The following GRM1 variants were observed in gnomAD, a reference collection of about 807,000 sequenced individuals.
GRM1 encodes metabotropic glutamate receptor 1.
GRM1 carries 33 observed loss-of-function variants against 90.9 expected under a neutral mutation model. The ratio of observed to expected loss-of-function variants is 0.36; its 90% confidence interval spans 0.28 to 0.49. GRM1 has a LOEUF of 0.49. Among genes scored for constraint, GRM1 ranks in the 20% least tolerant of loss-of-function variants. The pLI is 0.99. For synonymous variants in GRM1, 700 were observed against 613.2 expected, an observed-to-expected ratio of 1.14 and a Z score of -2.09; for missense variants, 1,190 against 1,534.3, an observed-to-expected ratio of 0.78 and a Z score of 3.75.
At chr6:146,209,226 T>C (rs1779597655) in intron 2 of GRM1, among the ~76,000 whole-genome samples, 1 of 152,088 alleles carries the variant, frequency 6.6e-6, no homozygotes, top group South Asian at 2.1e-4. Flanking sequence ...GTAACAGATA[T>C]TTTTATTTTT....
At chr6:146,080,229 T>C (rs2128862860) in intron 1 of GRM1, among the ~76,000 whole-genome samples, 1 of 152,304 alleles carries the variant, frequency 6.6e-6, no homozygotes, top group African/African-American at 2.4e-5. Context: ...ACCTACCATG[T>C]TAGAATTGTG....
At chr6:146,053,323 C>A (rs928889444) in intron 1 of GRM1, among the ~76,000 whole-genome samples, 3 of 151,908 alleles carry the variant, frequency 2.0e-5, no homozygotes, top group African/African-American at 7.3e-5. Flanking sequence ...TGATTTTGTG[C>A]TATGCTTGGT....
intron 3 of GRM1, among the ~76,000 whole-genome samples, chr6:146,323,831 C>T (rs1424908277): frequency 1.3e-5 from 2 of 152,166 alleles, no homozygotes; most frequent in African/African-American, 2.4e-5. Context: ...TTTCCCAGCA[C>T]CATTTGTTAA....
At chr6:146,142,616 GTCTT>G (rs1365051725) in intron 1 of GRM1, among the ~76,000 whole-genome samples, 3 of 151,978 alleles carry the variant, frequency 2.0e-5, no homozygotes, top group Admixed American at 6.5e-5. Context: ...ACAAGACAAA[GTCTT>G]TCCCACCCTA....
intron 3 of GRM1, among the ~76,000 whole-genome samples, chr6:146,313,879 G>GCAGTCACT (rs1783861969): frequency 6.6e-6 from 1 of 151,532 alleles, no homozygotes; most frequent in South Asian, 2.1e-4. Context: ...CCATCCCCAG[G>GCAGTCACT]CAGTCACTTA....
chr6:146,128,209 G>A (rs550435749), intron 1 of GRM1, among the ~76,000 whole-genome samples: 6 of 152,270 alleles, frequency 3.9e-5, no homozygotes, highest in African/African-American at 1.4e-4. Flanking sequence ...AGGGAGCAGG[G>A]TCTATGTCTC....
At chr6:146,397,312 A>T (rs1378811086) in intron 6 of GRM1, among the ~76,000 whole-genome samples, 3 of 151,740 alleles carry the variant, frequency 2.0e-5, no homozygotes, top group Non-Finnish European at 2.9e-5. Context: ...GTCTCTAGTA[A>T]AAATACAAAA....
chr6:146,219,238 G>A (rs1435496481), intron 2 of GRM1, among the ~76,000 whole-genome samples: 5 of 152,102 alleles, frequency 3.3e-5, no homozygotes, highest in East Asian at 1.9e-4. Context: ...TTCTGCCCAT[G>A]GGAATATTTT....
At chr6:146,385,272 T>C (rs1373134686) in intron 5 of GRM1, among the ~76,000 whole-genome samples, 4 of 151,994 alleles carry the variant, frequency 2.6e-5, no homozygotes, top group Middle Eastern at 3.4e-3. Flanking sequence ...GAAATAACAA[T>C]TATGGCAGGC....
In GRM1 at chr6:146,029,715, G is replaced by A; in HGVS notation, c.198G>A (p.Lys66=). Residue 66 remains lysine (K), a synonymous_variant, in exon 1 of 8, where the codon AAG becomes AAA. Coordinates refer to ENST00000282753, the MANE Select transcript of GRM1 (RefSeq NM_001278064.2). The part of the protein sequence containing the change: ...QPPAEKVPER[K]CGEIREQYGI... Reference sequence around the variant, plus strand: ...CGGCCGAGAAAGTGCCCGAGAGGAAGTGTGGGGAGATCAGGGAGCAGTATG... The same window carrying A: ...CGGCCGAGAAAGTGCCCGAGAGGAAATGTGGGGAGATCAGGGAGCAGTATG... 1 of 1,614,138 alleles carries A rather than the reference G, an allele frequency of 6.2e-7. No homozygotes were observed. Among genetic ancestry groups the A allele is most frequent in the Non-Finnish European group, 8.5e-7 (1 of 1,180,024 alleles).
intron 5 of GRM1, among the ~76,000 whole-genome samples, chr6:146,375,199 AT>A (rs1416094986): frequency 6.6e-6 from 1 of 151,802 alleles, no homozygotes; most frequent in Non-Finnish European, 1.5e-5. Context: ...TCCTCTTGTT[AT>A]TCATTTCTAC....
intron 1 of GRM1, among the ~76,000 whole-genome samples, chr6:146,054,366 A>G (rs796677823): frequency 2.6e-5 from 4 of 152,220 alleles, no homozygotes; most frequent in African/African-American, 9.6e-5. Context: ...CCATATTTTC[A>G]GATTGAGCAG....
chr6:146,218,864 C>T (rs1455024514), intron 2 of GRM1, among the ~76,000 whole-genome samples: 2 of 152,050 alleles, frequency 1.3e-5, no homozygotes, highest in African/African-American at 2.4e-5. Flanking sequence ...TATAACACAT[C>T]GTTGTGGAAA....
chr6:146,247,833 A>G (rs1394026567), intron 2 of GRM1, among the ~76,000 whole-genome samples: 1 of 147,778 alleles, frequency 6.8e-6, no homozygotes. Flanking sequence ...ATTACATATT[A>G]TATGTAATAT....
chr6:146,125,860 A>T (rs1776181248), intron 1 of GRM1, among the ~76,000 whole-genome samples: 1 of 152,148 alleles, frequency 6.6e-6, no homozygotes, highest in Non-Finnish European at 1.5e-5. Context: ...GTTTAAAAGA[A>T]ATGAAAATCA....
chr6:146,390,046 CT>C (rs1292978897), intron 6 of GRM1, among the ~76,000 whole-genome samples: 1 of 151,862 alleles, frequency 6.6e-6, no homozygotes, highest in African/African-American at 2.4e-5. Context: ...AACGCATTGC[CT>C]TTAAGTAGGT....
At chr6:146,298,736 G>A (rs2114908870) in intron 2 of GRM1, among the ~76,000 whole-genome samples, 1 of 152,168 alleles carries the variant, frequency 6.6e-6, no homozygotes, top group East Asian at 1.9e-4. Flanking sequence ...GCTGTGGCTT[G>A]CTCTAAGCCC....
intron 2 of GRM1, among the ~76,000 whole-genome samples, chr6:146,217,707 T>C (rs958277048): frequency 1.3e-5 from 2 of 152,152 alleles, no homozygotes; most frequent in African/African-American, 4.8e-5. Context: ...AGAATATGCA[T>C]GCAGAGCCCA....
chr6:146,280,152 A>G (rs1023757999), intron 2 of GRM1, among the ~76,000 whole-genome samples: 1 of 151,904 alleles, frequency 6.6e-6, no homozygotes, highest in Admixed American at 6.6e-5. Context: ...TGAACTATGA[A>G]TTTTATTTCT....
Sources: allele counts gnomAD v4.1 joint callset (sites outside exome capture counted in the v4.1 genomes callset), GRCh38; gene constraint gnomAD v4.1.1; transcripts MANE v1.5; gene names NCBI Gene and HGNC (gene_info 2026-07-23, HGNC 2026-07-21).